The following TBC1D9B variants were observed in gnomAD, a reference collection of about 807,000 sequenced individuals.
TBC1D9B encodes the protein TBC1 domain family, member 9B (with GRAM domain).
A neutral mutation model predicts 121.1 loss-of-function variants in TBC1D9B; 87 were observed. The ratio of observed to expected loss-of-function variants is 0.72; its 90% confidence interval spans 0.60 to 0.86. TBC1D9B has a LOEUF of 0.86. Among genes scored for constraint, TBC1D9B ranks in the 40% least tolerant of loss-of-function variants. The probability of loss-of-function intolerance (pLI) is 0.00; values close to 1 mark genes in which losing one functional copy is unlikely to be tolerated. For missense variants in TBC1D9B, 1,540 were observed against 1,628.6 expected, an observed-to-expected ratio of 0.95 and a Z score of 0.94; for synonymous variants, 668 against 670.1, an observed-to-expected ratio of 1.00 and a Z score of 0.05.
At chr5:179,872,194 T>C (rs1429134588) in intron 14 of TBC1D9B, 1 of 157,204 alleles carries the variant, frequency 6.4e-6, no homozygotes, top group Non-Finnish European at 1.4e-5. Flanking sequence ...GGGGAGCCTC[T>C]GTCCTCAACG....
chr5:179,864,695 A>G (rs1759955340), intron 20 of TBC1D9B, among the ~76,000 whole-genome samples: 1 of 152,178 alleles, frequency 6.6e-6, no homozygotes, highest in South Asian at 2.1e-4. Flanking sequence ...CCCACCCTCC[A>G]GGCCTGCTGG....
chr5:179,902,683 G>C lies in TBC1D9B; in HGVS notation c.229+2019C>G, dbSNP rs761062640. Among the ~76,000 whole-genome samples the C allele has an allele frequency of 4.6e-5, 7 of 152,148 alleles. No individual in the cohort carries two copies. Among genetic ancestry groups the C allele is most frequent in the Non-Finnish European group, 7.4e-5 (5 of 68,012 alleles). ...CTCTCCCCAGGGACGGGCAGCTCTT[G>C]CTGCCAGAGATGGAAATCTCAAGGG... On this transcript the variant is annotated intron_variant, in intron 2 of 20. Coordinates refer to ENST00000355235, the MANE Select transcript of TBC1D9B (RefSeq NM_015043.4). This position sits in a 1 kb window ranked among gnomAD's most constrained non-coding sequence, Gnocchi z 4.9.
Position 179,887,337 on chromosome 5 carries a change from A to G in TBC1D9B, c.1254+766T>C, listed in dbSNP as rs139312352. 1.3e-3 allele frequency among the ~76,000 whole-genome samples: 199 copies of G among 152,362 alleles called. 1 individual carries two copies. The highest frequency in any genetic ancestry group is 2.5e-3 in the Non-Finnish European group (168 of 68,040). Reference sequence around the variant, plus strand: ...GCCTGCCCACAGGCGGACCTGCCAGAACCAAAATCAGCTGAGCCTGAATGT... The same window carrying G: ...GCCTGCCCACAGGCGGACCTGCCAGGACCAAAATCAGCTGAGCCTGAATGT... On this transcript the variant is annotated intron_variant, in intron 7 of 20. Transcript: ENST00000355235.
chr5:179,878,135 C>G (rs559996639), intron 10 of TBC1D9B, among the ~76,000 whole-genome samples, 174 bp downstream of exon 10: 1 of 152,216 alleles, frequency 6.6e-6, no homozygotes, highest in Non-Finnish European at 1.5e-5. Context: ...GACTTCTATT[C>G]GGCATGGGGA....
Position 179,865,939 on chromosome 5 carries a change from A to T in TBC1D9B, c.2864-51T>A, listed in dbSNP as rs1409286964. Reference sequence around the variant, plus strand: ...ACATGAATAACATTCTGCTGTTGGGACTGCAAGCTCCTGGGGTCCTTGAGA... The same window carrying T: ...ACATGAATAACATTCTGCTGTTGGGTCTGCAAGCTCCTGGGGTCCTTGAGA... On this transcript the variant is annotated intron_variant, in intron 18 of 20. Coordinates refer to ENST00000355235, the MANE Select transcript of TBC1D9B (RefSeq NM_015043.4). This position sits in a 1 kb window ranked among gnomAD's most constrained non-coding sequence, Gnocchi z 5.1. The T allele has an allele frequency of 6.2e-7, 1 of 1,607,692 alleles. No individual in the cohort carries two copies. The highest frequency in any genetic ancestry group is 1.1e-5 in the South Asian group (1 of 90,944).
At position 179,875,030 on chromosome 5, in the gene TBC1D9B, G is replaced by A. The variant is rs757972173; in HGVS notation, c.2058C>T (p.Val686=). 11 of 1,614,052 alleles carry A rather than the reference G, an allele frequency of 6.8e-6. No homozygotes were observed. In the East Asian group the frequency reaches 2.2e-4, roughly 33 times the overall value. Reference sequence around the variant, plus strand: ...CCTCATAGAAAAAGCAGTCGACGATGACCACGGCGCTCTCGAAGGGCATGA... The same window carrying A: ...CCTCATAGAAAAAGCAGTCGACGATAACCACGGCGCTCTCGAAGGGCATGA... ...LSVMPFESAV[V]IVDCFFYEGI... Residue 686 remains valine, a synonymous_variant, in exon 12 of 21, where the codon GTC becomes GTT. Transcript: ENST00000355235. This position sits in a 1 kb window ranked among gnomAD's most constrained non-coding sequence, Gnocchi z 4.5.
rs779980740 is a variant in TBC1D9B at position 179,907,749 on chromosome 5, CGAA to C, written c.70_72del (p.Phe24del). 3 of 1,206,112 alleles carry C rather than the reference CGAA, an allele frequency of 2.5e-6. No individual in the cohort carries two copies. The South Asian group carries it at 4.5e-5, about 18-fold the overall frequency. The allele number at this position is 1,206,112 out of a possible 1,614,324, so 74.7% of individuals were successfully genotyped here. A position where few individuals can be genotyped will look rare whatever the true frequency, so the allele number is the denominator to read the frequency against. On this transcript the variant is annotated inframe_deletion, in exon 1 of 21. Transcript: ENST00000355235. This position sits in a 1 kb window ranked among gnomAD's most constrained non-coding sequence, Gnocchi z 5.3. ...CCGTGGCCCCGGCGTCGCTGCAGCA[CGAA>C]GAAGGGGTTGGCCCGCTCCGTCACC...
At chr5:179,903,866 T>C (rs1761228894) in intron 2 of TBC1D9B, among the ~76,000 whole-genome samples, 1 of 152,090 alleles carries the variant, frequency 6.6e-6, no homozygotes, top group Non-Finnish European at 1.5e-5. Flanking sequence ...GACACGTGAG[T>C]GCAGTATGAG....
intron 5 of TBC1D9B, 142 bp downstream of exon 5, chr5:179,893,066 TG>T: frequency 8.3e-7 from 1 of 1,207,154 alleles, no homozygotes; most frequent in Non-Finnish European, 1.1e-6. Context: ...TCTGTTTACC[TG>T]GCTTCCTTCC....
Position 179,907,857 on chromosome 5 carries a change from A to G in TBC1D9B, c.-36T>C, listed in dbSNP as rs185073. 0.91 allele frequency: 939,404 copies of G among 1,037,356 alleles called. 425,677 individuals carry two copies. Among genetic ancestry groups the G allele is most frequent in the East Asian group, 1 (10,809 of 10,814 alleles). 64.3% of individuals were successfully genotyped at this position (1,037,356 alleles called of 1,614,324 possible). A position where few individuals can be genotyped will look rare whatever the true frequency, so the allele number is the denominator to read the frequency against. ...CTCGCACCGGGCCGAGGCCCGCGAG[A>G]CGGAAGCGCCCGCCGCCGTCGGCGT... On this transcript the variant is annotated 5_prime_UTR_variant, in exon 1 of 21. Transcript: ENST00000355235. This position sits in a 1 kb window ranked among gnomAD's most constrained non-coding sequence, Gnocchi z 5.3.
intron 7 of TBC1D9B, among the ~76,000 whole-genome samples, chr5:179,881,686 TCC>T (rs1162865182): frequency 2.6e-5 from 4 of 152,188 alleles, no homozygotes; most frequent in African/African-American, 9.6e-5. Flanking sequence ...CTGTCTCCTT[TCC>T]CCCTTTCAAG....
chr5:179,901,554 G>A (rs1761167919), intron 2 of TBC1D9B, among the ~76,000 whole-genome samples: 1 of 152,182 alleles, frequency 6.6e-6, no homozygotes, highest in Non-Finnish European at 1.5e-5. Context: ...GGAGGCTGAG[G>A]CAGGGGAATC....
In TBC1D9B at chr5:179,878,415, C is replaced by CG; in HGVS notation, c.1675dup (p.Arg559ProfsTer51). 1 of 1,613,554 alleles carries CG rather than the reference C, an allele frequency of 6.2e-7. No homozygotes were observed. The highest frequency in any genetic ancestry group is 8.5e-7 in the Non-Finnish European group (1 of 1,179,834). ...GAAGGCAGGGTGCTCGGGCATGGAG[C>CG]GGTGCAGGTCTCGCTCGATCTCCTC... On this transcript the variant is annotated frameshift_variant, in exon 10 of 21. Transcript: ENST00000355235. LOFTEE classifies it high-confidence loss of function.
chr5:179,870,652 C>T (rs1379554856), intron 15 of TBC1D9B, 157 bp from the exon 16 acceptor site: 1 of 1,152,912 alleles, frequency 8.7e-7, no homozygotes, highest in Admixed American at 2.9e-5. Context: ...CCCGAAAGCT[C>T]TCAGGCTGTC....
intron 10 of TBC1D9B, among the ~76,000 whole-genome samples, 173 bp downstream of exon 10, chr5:179,878,136 G>A (rs1441005483): frequency 6.6e-6 from 1 of 152,200 alleles, no homozygotes; most frequent in Non-Finnish European, 1.5e-5. Flanking sequence ...ACTTCTATTC[G>A]GCATGGGGAT....
chr5:179,863,461 C>T lies in TBC1D9B; in HGVS notation c.3689G>A (p.Gly1230Glu). 1 of 1,613,662 alleles carries T rather than the reference C, an allele frequency of 6.2e-7. No homozygotes were observed. The highest frequency in any genetic ancestry group is 8.5e-7 in the Non-Finnish European group (1 of 1,179,674). ...CAGCTGCAGGCATCAGCCGGAAACT[C>T]CAGGCTGCTCATGGTCACTGGCGGT... is the stretch of plus-strand genomic sequence containing the variant. ...FSTASDHEQP[G>E]VSG The change falls in exon 21 of 21, where the codon GGA becomes GAA. Residue 1230 changes from glycine to glutamate, a missense_variant. Transcript: ENST00000355235. This position sits in a 1 kb window ranked among gnomAD's most constrained non-coding sequence, Gnocchi z 4.5.
At position 179,869,775 on chromosome 5, in the gene TBC1D9B, GA is replaced by G; in HGVS notation, c.2784del (p.Pro930GlnfsTer3). On this transcript the variant is annotated frameshift_variant, in exon 17 of 21. Coordinates refer to ENST00000355235, the MANE Select transcript of TBC1D9B (RefSeq NM_015043.4). LOFTEE classifies it high-confidence loss of function. ...GTGGGCAGGAGGCTCTCACCTGGGGGAAGGTGTAGCTTGTAGAGCACCTTGA... is the reference window on the plus strand; with the variant it reads ...GTGGGCAGGAGGCTCTCACCTGGGGGAGGTGTAGCTTGTAGAGCACCTTGA... ...EKLKVLYKLH[L>X]PPALSPEEAE... The G allele has an allele frequency of 6.2e-7, 1 of 1,608,296 alleles. No individual in the cohort carries two copies. The highest frequency in any genetic ancestry group is 8.5e-7 in the Non-Finnish European group (1 of 1,177,016).
rs1366314372 is a variant in TBC1D9B, at chr5:179,875,985, G to A, written c.1835C>T (p.Ala612Val). The change falls in exon 11 of 21, where the codon GCC becomes GTC. Residue 612 changes from alanine to valine, a missense_variant. Transcript: ENST00000355235. The surrounding 1 kb of genome is among the most constrained non-coding windows in gnomAD (Gnocchi z 4.5). ...VLLLYGSEEE[A>V]FWLLVALCER... ...GCACAGGGCCACCAGGAGCCAGAAG[G>A]CCTCCTCCTCACTGCCATAGAGCAG... The A allele has an allele frequency of 8.0e-5, 129 of 1,612,246 alleles. No homozygotes were observed. The highest frequency in any genetic ancestry group is 1.1e-4 in the Non-Finnish European group (127 of 1,179,500).
rs2113594770 is a variant in TBC1D9B, at chr5:179,863,632, C to A, written c.3518G>T (p.Gly1173Val). The change falls in exon 21 of 21, where the codon GGC becomes GTC. Residue 1173 changes from glycine (G) to valine (V), a missense_variant. Transcript: ENST00000355235. The surrounding 1 kb of genome is among the most constrained non-coding windows in gnomAD (Gnocchi z 4.5). ...EACSPTARIG[G>V]TVDTDWCISF... ...GATGCACCAGTCGGTGTCGACGGTG[C>A]CGCCGATGCGCGCTGTGGGGCTGCA... The A allele has an allele frequency of 6.2e-7, 1 of 1,613,848 alleles. No homozygotes were observed. Among genetic ancestry groups the A allele is most frequent in the Middle Eastern group, 1.6e-4 (1 of 6,062 alleles).
Sources: gnomAD v4.1 joint callset for allele counts (sites outside exome capture counted in the v4.1 genomes callset) on GRCh38, gnomAD v4.1.1 for gene constraint, Gnocchi (gnomAD v3.1) non-coding constraint, MANE v1.5 for transcripts, NCBI Gene and HGNC (gene_info 2026-07-23, HGNC 2026-07-21) for gene names.